RABL3: variants seen among roughly 807,000 people sequenced by gnomAD.
The protein encoded by RABL3 is rab-like protein 3.
A neutral mutation model predicts 31.8 loss-of-function variants in RABL3; 31 were observed. That is an observed-to-expected ratio of 0.97 (90% CI 0.73 to 1.31). The LOEUF is 1.31. Ranked by LOEUF, RABL3 falls within the 40% of genes most tolerant of loss-of-function variation. The pLI, the probability that RABL3 is intolerant of heterozygous loss-of-function variation, is 0.00. For missense variants in RABL3, 263 were observed against 279.6 expected (o/e 0.94, Z 0.42); for synonymous variants, 97 against 99.9 (o/e 0.97, Z 0.18).
chr3:120,692,969 G>C (rs1263956684), intron 6 of RABL3, among the ~76,000 whole-genome samples: 1 of 152,128 alleles, frequency 6.6e-6, no homozygotes, highest in African/African-American at 2.4e-5. Flanking sequence ...TTTTAAGTTT[G>C]AAAACAATGT....
At chr3:120,690,198 G>A (rs1433328260) in intron 7 of RABL3, among the ~76,000 whole-genome samples, 2 of 152,036 alleles carry the variant, frequency 1.3e-5, no homozygotes, top group Non-Finnish European at 2.9e-5. Context: ...TATACTCTTG[G>A]AGTCCCAAGC....
rs1254223248 is a variant in RABL3, at chr3:120,688,750, G to A, written c.*1073C>T. 6.6e-6 allele frequency: 1 copy of A among 151,998 alleles called. No homozygotes were observed. Among genetic ancestry groups the A allele is most frequent in the Non-Finnish European group, 1.5e-5 (1 of 68,024 alleles). 9.4% of individuals were successfully genotyped at this position (151,998 alleles called of 1,614,324 possible). On this transcript the variant is annotated 3_prime_UTR_variant, in exon 8 of 8. Transcript: ENST00000273375. ...GAAGAACTGGGGCAGAGAAGATTAA[G>A]CAAGCAAAAAGATAGGTTAAAAAAA...
Position 120,688,760 on chromosome 3 carries a change from A to C in RABL3, c.*1063T>G, listed in dbSNP as rs1708344325. ...GGCAGAGAAGATTAAGCAAGCAAAAAGATAGGTTAAAAAAAGTAATGATGA... is the reference window on the plus strand; with the variant it reads ...GGCAGAGAAGATTAAGCAAGCAAAACGATAGGTTAAAAAAAGTAATGATGA... On this transcript the variant is annotated 3_prime_UTR_variant, in exon 8 of 8. Coordinates refer to ENST00000273375, the MANE Select transcript of RABL3 (RefSeq NM_173825.5). The C allele has an allele frequency of 6.6e-6, 1 of 152,184 alleles. No individual in the cohort carries two copies. The highest frequency in any genetic ancestry group is 1.5e-5 in the Non-Finnish European group (1 of 68,056). The allele number at this position is 152,184 out of a possible 1,614,324, so 9.4% of individuals were successfully genotyped here.
Position 120,698,585 on chromosome 3 carries a change from A to G in RABL3, c.384-12T>C, listed in dbSNP as rs1037924082. The G allele has an allele frequency of 1.3e-6, 2 of 1,599,544 alleles. No homozygotes were observed. Among genetic ancestry groups the G allele is most frequent in the Non-Finnish European group, 8.5e-7 (1 of 1,169,642 alleles). On this transcript the variant is annotated splice_polypyrimidine_tract_variant and intron_variant, in intron 4 of 7. Coordinates refer to ENST00000273375, the MANE Select transcript of RABL3 (RefSeq NM_173825.5). ...CTTGATCATAATCCCTGTGATAAAT[A>G]ATAATGAAGAGGTGAATAGAATGTA...
chr3:120,720,939 A>T (rs1382033480), intron 2 of RABL3, among the ~76,000 whole-genome samples: 1 of 152,148 alleles, frequency 6.6e-6, no homozygotes, highest in South Asian at 2.1e-4. Context: ...CAGAGAGAAA[A>T]GTCAGGTTAC....
At chr3:120,695,009 T>C (rs554513173) in intron 5 of RABL3, among the ~76,000 whole-genome samples, 6 of 151,330 alleles carry the variant, frequency 4.0e-5, no homozygotes, top group African/African-American at 7.3e-5. Context: ...CCTTGAGAGA[T>C]AGAGTACTTT....
At chr3:120,704,672 C>T (rs1708529486) in intron 4 of RABL3, among the ~76,000 whole-genome samples, 1 of 152,164 alleles carries the variant, frequency 6.6e-6, no homozygotes, top group Non-Finnish European at 1.5e-5. Context: ...AAACTCTGGT[C>T]ACAAGATACA....
At chr3:120,726,188 C>T (rs528368793) in intron 2 of RABL3, among the ~76,000 whole-genome samples, 1 of 152,128 alleles carries the variant, frequency 6.6e-6, no homozygotes, top group Non-Finnish European at 1.5e-5. Context: ...ATTGCTTTTT[C>T]AAGACAGGTA....
At chr3:120,733,325 A>AT (rs1395239765) in intron 1 of RABL3, among the ~76,000 whole-genome samples, 3 of 152,026 alleles carry the variant, frequency 2.0e-5, no homozygotes, top group Non-Finnish European at 2.9e-5. Flanking sequence ...GATGATGAGC[A>AT]TTTTTTCATG....
rs556586003 is a variant in RABL3, at chr3:120,730,560, C to A, written c.138+136G>T. The A allele has an allele frequency of 3.9e-5, 24 of 615,802 alleles. No homozygotes were observed. The South Asian group carries it at 4.7e-4, about 12-fold the overall frequency. 38.1% of individuals were successfully genotyped at this position (615,802 alleles called of 1,614,324 possible). ...GACATGTAAAGCAACTGGCATAGTA[C>A]CTGGCACATAGTATGAATGTAATAA... On this transcript the variant is annotated intron_variant, in intron 2 of 7. Transcript: ENST00000273375.
intron 2 of RABL3, among the ~76,000 whole-genome samples, chr3:120,720,661 G>A (rs1230206619): frequency 6.6e-6 from 1 of 152,172 alleles, no homozygotes; most frequent in African/African-American, 2.4e-5. Flanking sequence ...AAGGAACAAA[G>A]CCTCCAAGAA....
At chr3:120,714,803 C>A (rs1357885454) in intron 2 of RABL3, among the ~76,000 whole-genome samples, 1 of 152,108 alleles carries the variant, frequency 6.6e-6, no homozygotes, top group Non-Finnish European at 1.5e-5. Context: ...TCTTGTCGTT[C>A]ATTTTGGCTA....
At chr3:120,720,427 A>G (rs1192008696) in intron 2 of RABL3, among the ~76,000 whole-genome samples, 2 of 152,214 alleles carry the variant, frequency 1.3e-5, no homozygotes, top group Non-Finnish European at 2.9e-5. Flanking sequence ...AAAGAAGTTA[A>G]AAACCTTGGA....
At chr3:120,700,832 A>T (rs1448443727) in intron 4 of RABL3, among the ~76,000 whole-genome samples, 1 of 152,126 alleles carries the variant, frequency 6.6e-6, no homozygotes, top group African/African-American at 2.4e-5. Context: ...CAACGGGTAT[A>T]TGGGAGTTCA....
At chr3:120,725,826 T>C (rs1708812713) in intron 2 of RABL3, among the ~76,000 whole-genome samples, 1 of 152,078 alleles carries the variant, frequency 6.6e-6, no homozygotes, top group African/African-American at 2.4e-5. Context: ...AGGGATAGCA[T>C]TAGGAGATAT....
intron 5 of RABL3, 59 bp downstream of exon 5, chr3:120,698,364 G>T: frequency 7.0e-7 from 1 of 1,433,416 alleles, no homozygotes; most frequent in Non-Finnish European, 9.6e-7. Context: ...ATTTGAATAT[G>T]TCTTCAGTTT....
intron 4 of RABL3, among the ~76,000 whole-genome samples, chr3:120,704,973 C>A (rs1708532624): frequency 6.6e-6 from 1 of 152,184 alleles, no homozygotes; most frequent in African/African-American, 2.4e-5. Context: ...TTGCAGTGAA[C>A]TGAGATCGTG....
intron 5 of RABL3, among the ~76,000 whole-genome samples, chr3:120,694,988 T>C (rs1356888232): frequency 6.7e-6 from 1 of 150,120 alleles, no homozygotes; most frequent in Admixed American, 6.6e-5. Context: ...CTTGTCACCA[T>C]TGACTTGTGA....
At chr3:120,726,194 A>C (rs73181947) in intron 2 of RABL3, among the ~76,000 whole-genome samples, 3,241 of 152,234 alleles carry the variant, frequency 0.021, 54 homozygotes, top group Middle Eastern at 0.054. Context: ...TTTTCAAGAC[A>C]GGTAGAATTT....
Sources: allele counts gnomAD v4.1 joint callset (sites outside exome capture counted in the v4.1 genomes callset), GRCh38; gene constraint gnomAD v4.1.1; transcripts MANE v1.5; gene names NCBI Gene and HGNC (gene_info 2026-07-23, HGNC 2026-07-21).